ZMAT4: variants seen among roughly 807,000 people sequenced by gnomAD.
ZMAT4 encodes zinc finger matrin-type 4.
A neutral mutation model predicts 28.7 loss-of-function variants in ZMAT4; 17 were observed. The observed-to-expected ratio is 0.59, with a 90% CI of 0.41 to 0.89. The LOEUF is 0.89. Among genes scored for constraint, ZMAT4 ranks in the 40% least tolerant of loss-of-function variants. The pLI is 0.00. For missense variants in ZMAT4, 240 were observed against 283.8 expected, an observed-to-expected ratio of 0.85 and a Z score of 1.11; for synonymous variants, 117 against 109.2, an observed-to-expected ratio of 1.07 and a Z score of -0.44.
intron 2 of ZMAT4, among the ~76,000 whole-genome samples, chr8:40,801,352 ATATATAT>A (rs1172240960): frequency 8.3e-5 from 6 of 72,146 alleles, no homozygotes; most frequent in African/African-American, 2.8e-4. Flanking sequence ...AAAAAAAAAA[ATATATAT>A]ATATATATAT....
chr8:40,781,679 G>A (rs71519580), intron 2 of ZMAT4, among the ~76,000 whole-genome samples: 21,760 of 139,764 alleles, frequency 0.16, 2,085 homozygotes, highest in Middle Eastern at 0.24. Context: ...GGAGAATGGC[G>A]TGAACCCGGG....
chr8:40,585,043 G>C (rs1173818855), intron 5 of ZMAT4, among the ~76,000 whole-genome samples: 1 of 152,148 alleles, frequency 6.6e-6, no homozygotes, highest in Non-Finnish European at 1.5e-5. Context: ...GTTTCCTGGA[G>C]GCGTTCACAT....
intron 5 of ZMAT4, among the ~76,000 whole-genome samples, chr8:40,647,599 C>CCT (rs1807395755): frequency 6.6e-6 from 1 of 152,186 alleles, no homozygotes; most frequent in African/African-American, 2.4e-5. Flanking sequence ...CTGCCTGTCT[C>CCT]TGTAGGCTCC....
intron 1 of ZMAT4, among the ~76,000 whole-genome samples, chr8:40,877,568 GC>G (rs1475470056): frequency 7.9e-5 from 12 of 152,144 alleles, no homozygotes; most frequent in Admixed American, 6.5e-4. Context: ...CTGTTGAAAA[GC>G]TTTTTAACTC....
At chr8:40,665,066 C>T (rs763934701) in intron 5 of ZMAT4, among the ~76,000 whole-genome samples, 7 of 152,184 alleles carry the variant, frequency 4.6e-5, no homozygotes, top group Non-Finnish European at 1.0e-4. Context: ...CCTAGCCAGG[C>T]GTGGTGGTGG....
intron 3 of ZMAT4, among the ~76,000 whole-genome samples, chr8:40,714,964 G>C (rs1810781808): frequency 6.8e-6 from 1 of 146,096 alleles, no homozygotes; most frequent in Admixed American, 7.1e-5. Context: ...GAGGAGAATG[G>C]CTTGAACTCA....
At chr8:40,614,610 T>A (rs532485410) in intron 5 of ZMAT4, among the ~76,000 whole-genome samples, 7 of 152,374 alleles carry the variant, frequency 4.6e-5, no homozygotes, top group African/African-American at 1.7e-4. Context: ...TGGGTGCTCC[T>A]GTACTGGGTG....
Position 40,795,639 on chromosome 8 carries a change from G to T in ZMAT4, c.103-27909C>A, listed in dbSNP as rs570361023. Among the ~76,000 whole-genome samples the T allele has an allele frequency of 6.6e-5, 10 of 152,266 alleles. No homozygotes were observed. In the South Asian group the frequency reaches 2.1e-3, roughly 32 times the overall value. On this transcript the variant is annotated intron_variant, in intron 2 of 6. Coordinates refer to ENST00000297737, the MANE Select transcript of ZMAT4 (RefSeq NM_024645.3). ...AGTGGAGTGGAGTATTGATTTAAAG[G>T]TCTGAGACTCAGGAACTCAGGATAT...
At chr8:40,586,464 G>C (rs1163406682) in intron 5 of ZMAT4, among the ~76,000 whole-genome samples, 1 of 152,120 alleles carries the variant, frequency 6.6e-6, no homozygotes, top group Non-Finnish European at 1.5e-5. Context: ...AACAATTCAA[G>C]GTAGACCATT....
chr8:40,684,188 A>C (rs1809297934), intron 4 of ZMAT4, among the ~76,000 whole-genome samples: 1 of 152,202 alleles, frequency 6.6e-6, no homozygotes, highest in Non-Finnish European at 1.5e-5. Context: ...GAATAGCAAA[A>C]GAAAAAGAAA....
At chr8:40,671,333 G>A (rs1158080109) in intron 5 of ZMAT4, among the ~76,000 whole-genome samples, 2 of 152,068 alleles carry the variant, frequency 1.3e-5, no homozygotes, top group African/African-American at 4.8e-5. Context: ...ACCAAGAGAA[G>A]TAAAACATAT....
At chr8:40,803,378 A>G (rs1346347243) in intron 2 of ZMAT4, among the ~76,000 whole-genome samples, 1 of 152,212 alleles carries the variant, frequency 6.6e-6, no homozygotes, top group African/African-American at 2.4e-5. Flanking sequence ...CAAAATATGC[A>G]AAGAACTCTT....
At chr8:40,893,738 G>T (rs1195819999) in intron 1 of ZMAT4, among the ~76,000 whole-genome samples, 1 of 152,136 alleles carries the variant, frequency 6.6e-6, no homozygotes, top group Non-Finnish European at 1.5e-5. Context: ...CGTGGCAGGG[G>T]TTTGGTGTAC....
At chr8:40,618,553 C>A (rs1458518057) in intron 5 of ZMAT4, among the ~76,000 whole-genome samples, 1 of 151,760 alleles carries the variant, frequency 6.6e-6, no homozygotes, top group Non-Finnish European at 1.5e-5. Context: ...GGTTTTTAAT[C>A]ATCTTTTGAT....
chr8:40,704,287 T>C (rs1009679036), intron 3 of ZMAT4, among the ~76,000 whole-genome samples: 3 of 152,238 alleles, frequency 2.0e-5, no homozygotes, highest in Non-Finnish European at 4.4e-5. Context: ...GGAAGTCACA[T>C]TTCCTGATTG....
At chr8:40,862,281 G>A (rs1011933250) in intron 1 of ZMAT4, among the ~76,000 whole-genome samples, 1 of 151,556 alleles carries the variant, frequency 6.6e-6, no homozygotes, top group Admixed American at 6.6e-5. Flanking sequence ...GGACATGGAT[G>A]AAGCTGGAAA....
intron 1 of ZMAT4, among the ~76,000 whole-genome samples, chr8:40,892,856 T>C (rs1818743715): frequency 6.6e-6 from 1 of 152,190 alleles, no homozygotes; most frequent in Non-Finnish European, 1.5e-5. Context: ...AGGGTTCTCA[T>C]CAGCAGAGGG....
intron 3 of ZMAT4, among the ~76,000 whole-genome samples, chr8:40,724,751 A>G (rs1811252158): frequency 6.6e-6 from 1 of 152,176 alleles, no homozygotes; most frequent in South Asian, 2.1e-4. Context: ...GTCTTGAAGG[A>G]TGCATAGGAC....
At chr8:40,885,069 A>G (rs1158007573) in intron 1 of ZMAT4, 2 of 152,048 alleles carry the variant, frequency 1.3e-5, no homozygotes, top group African/African-American at 4.8e-5. Context: ...CACAGACACC[A>G]TGAAACTCTG....
Sources: allele counts gnomAD v4.1 joint callset (sites outside exome capture counted in the v4.1 genomes callset), GRCh38; gene constraint gnomAD v4.1.1; transcripts MANE v1.5; gene names NCBI Gene and HGNC (gene_info 2026-07-23, HGNC 2026-07-21).